The following KCNMB2 variants were observed in gnomAD, a reference collection of about 807,000 sequenced individuals.
The protein encoded by KCNMB2 is calcium-activated potassium channel subunit beta-2.
Under a neutral mutation model 24.5 loss-of-function variants are expected in KCNMB2, and 9 were observed. That is an observed-to-expected ratio of 0.37 (90% CI 0.22 to 0.64). The LOEUF is 0.64. Among genes scored for constraint, KCNMB2 ranks in the 30% least tolerant of loss-of-function variants. The pLI is 0.63. For synonymous variants in KCNMB2, 109 were observed against 104.4 expected (o/e 1.04, Z -0.27); for missense variants, 226 against 284.3 (o/e 0.79, Z 1.47).
chr3:178,720,949 C>A (rs1722784461), intron 1 of KCNMB2, among the ~76,000 whole-genome samples: 1 of 152,016 alleles, frequency 6.6e-6, no homozygotes, highest in South Asian at 2.1e-4. Context: ...ATGGTAGTTT[C>A]TTTTGCTGTG....
At chr3:178,752,934 A>G (rs1451435959) in intron 1 of KCNMB2, among the ~76,000 whole-genome samples, 3 of 152,322 alleles carry the variant, frequency 2.0e-5, no homozygotes, top group Middle Eastern at 6.8e-3. Flanking sequence ...TGGGGCTAGT[A>G]ATCAGAATTC....
chr3:178,606,906 T>C (rs1395243171), intron 1 of KCNMB2, among the ~76,000 whole-genome samples: 1 of 152,204 alleles, frequency 6.6e-6, no homozygotes, highest in East Asian at 1.9e-4. Context: ...CCTTCCATCA[T>C]GTGAAGACAC....
chr3:178,780,075 A>T (rs2108430474), intron 1 of KCNMB2, among the ~76,000 whole-genome samples: 1 of 147,030 alleles, frequency 6.8e-6, no homozygotes, highest in South Asian at 2.2e-4. Flanking sequence ...AAAAAAAAGC[A>T]CTATGAAATT....
chr3:178,821,746 T>C (rs1402204522), intron 2 of KCNMB2, among the ~76,000 whole-genome samples: 2 of 152,174 alleles, frequency 1.3e-5, no homozygotes, highest in African/African-American at 4.8e-5. Flanking sequence ...GTCATCCACA[T>C]CAAGTACTAG....
At chr3:178,828,474 T>C (rs1391451124) in intron 4 of KCNMB2, 101 bp downstream of exon 4, 3 of 809,526 alleles carry the variant, frequency 3.7e-6, no homozygotes, top group Non-Finnish European at 5.8e-6. Context: ...AGGAAAATAC[T>C]TCCAGGAAGC....
Position 178,566,153 on chromosome 3 carries a change from A to C in KCNMB2, c.-68+29442A>C, listed in dbSNP as rs113483846. On this transcript the variant is annotated intron_variant, in intron 1 of 4. Transcript: ENST00000452583. ...AAAACGTCTAAGTAATAACACTTAG[A>C]TGTTTCAGATGAAAATGCTCAAGGC... Among the ~76,000 whole-genome samples the C allele has an allele frequency of 1.9e-3, 294 of 152,312 alleles. 4 individuals carry two copies. The highest frequency in any genetic ancestry group is 6.5e-3 in the African/African-American group (271 of 41,562).
chr3:178,594,715 GA>G (rs1419711708), intron 1 of KCNMB2, among the ~76,000 whole-genome samples: 1 of 152,030 alleles, frequency 6.6e-6, no homozygotes, highest in Non-Finnish European at 1.5e-5. Context: ...AATTAACTCA[GA>G]AGTTGTCAAC....
At chr3:178,747,317 A>G (rs1376108868) in intron 1 of KCNMB2, among the ~76,000 whole-genome samples, 1 of 152,178 alleles carries the variant, frequency 6.6e-6, no homozygotes, top group African/African-American at 2.4e-5. Context: ...ACAGCATGGG[A>G]AAGACATGCA....
At chr3:178,776,636 A>G (rs935408538) in intron 1 of KCNMB2, among the ~76,000 whole-genome samples, 29 of 152,164 alleles carry the variant, frequency 1.9e-4, no homozygotes, top group African/African-American at 6.8e-4. Flanking sequence ...CAGGTGGGGA[A>G]TTTCAGAATC....
intron 1 of KCNMB2, among the ~76,000 whole-genome samples, chr3:178,758,787 A>ATG (rs1420240222): frequency 1.6e-4 from 1 of 6,426 alleles, no homozygotes; most frequent in Non-Finnish European, 2.4e-4. Flanking sequence ...ATATATATAT[A>ATG]TATATATATA....
chr3:178,537,050 T>C (rs1280814308), intron 1 of KCNMB2, among the ~76,000 whole-genome samples: 2 of 152,104 alleles, frequency 1.3e-5, no homozygotes, highest in Non-Finnish European at 2.9e-5. Context: ...TAGGGTCGAG[T>C]GAAGACTTTG....
chr3:178,703,000 A>T (rs573447089), intron 1 of KCNMB2, among the ~76,000 whole-genome samples: 2 of 152,304 alleles, frequency 1.3e-5, no homozygotes, highest in East Asian at 3.9e-4. Context: ...GAGGAGAAGG[A>T]TGAAGATTAG....
At chr3:178,799,714 G>A (rs1352111342) in intron 1 of KCNMB2, among the ~76,000 whole-genome samples, 1 of 152,058 alleles carries the variant, frequency 6.6e-6, no homozygotes, top group African/African-American at 2.4e-5. Context: ...ACCTAGAGTA[G>A]CCAAAGCCAT....
intron 2 of KCNMB2, chr3:178,820,664 T>C (rs533234563): frequency 3.9e-5 from 6 of 152,754 alleles, no homozygotes; most frequent in Non-Finnish European, 8.8e-5. Flanking sequence ...ATATCAAACT[T>C]CAAGAAACTA....
chr3:178,584,345 G>T (rs1277664967), intron 1 of KCNMB2, among the ~76,000 whole-genome samples: 2 of 152,238 alleles, frequency 1.3e-5, no homozygotes, highest in Non-Finnish European at 2.9e-5. Flanking sequence ...GGGAGACAGT[G>T]CTGGGTACTT....
intron 1 of KCNMB2, among the ~76,000 whole-genome samples, chr3:178,598,872 T>C (rs1717975371): frequency 6.6e-6 from 1 of 152,106 alleles, no homozygotes; most frequent in African/African-American, 2.4e-5. Flanking sequence ...TGCTGCACAC[T>C]ACACTTCGGG....
intron 1 of KCNMB2, among the ~76,000 whole-genome samples, chr3:178,693,854 G>T (rs1721770444): frequency 6.6e-6 from 1 of 151,368 alleles, no homozygotes; most frequent in African/African-American, 2.4e-5. Context: ...GTGAAATTCA[G>T]CTGTGAATCC....
At chr3:178,820,380 A>G (rs577620578) in intron 2 of KCNMB2, 2 of 152,792 alleles carry the variant, frequency 1.3e-5, no homozygotes, top group African/African-American at 4.8e-5. Flanking sequence ...TTTATTTGGT[A>G]TCGCCAGAAC....
intron 1 of KCNMB2, among the ~76,000 whole-genome samples, chr3:178,745,652 T>C (rs1339429280): frequency 6.6e-6 from 1 of 152,212 alleles, no homozygotes; most frequent in East Asian, 1.9e-4. Flanking sequence ...CCCTTAGGCC[T>C]ATGAGCCTGT....
Sources: allele counts gnomAD v4.1 joint callset (sites outside exome capture counted in the v4.1 genomes callset), GRCh38; gene constraint gnomAD v4.1.1; transcripts MANE v1.5; gene names NCBI Gene and HGNC (gene_info 2026-07-23, HGNC 2026-07-21).